The following ACOT12 variants were observed in gnomAD, a reference collection of about 807,000 sequenced individuals.
The protein encoded by ACOT12 is acetyl-coenzyme A thioesterase.
Under a neutral mutation model 67.7 loss-of-function variants are expected in ACOT12, and 51 were observed. The ratio of observed to expected loss-of-function variants is 0.75; its 90% CI spans 0.60 to 0.95. The LOEUF (loss-of-function observed/expected upper bound fraction) is 0.95. Ranked by LOEUF, ACOT12 falls within the 40% of genes least tolerant of loss-of-function variation. ACOT12 has a pLI of 0.00. For missense variants in ACOT12, 734 were observed against 708.1 expected, an observed-to-expected ratio of 1.04 and a Z score of -0.41; for synonymous variants, 251 against 244.6, an observed-to-expected ratio of 1.03 and a Z score of -0.24.
chr5:81,353,996 C>T lies in ACOT12; in HGVS notation c.496+5907G>A, dbSNP rs77130365. Among the ~76,000 whole-genome samples, 578 of 152,278 alleles carry T rather than the reference C, an allele frequency of 3.8e-3. 2 individuals are homozygous for T. The highest frequency in any genetic ancestry group is 0.013 in the African/African-American group (529 of 41,560). ...GGTGGAGAAATCACATACTACACAG[C>T]GGCTTTAAATGTCAGAGTCTGGCTC... is the stretch of plus-strand genomic sequence containing the variant. On this transcript the variant is annotated intron_variant, in intron 5 of 14. Transcript: ENST00000307624.
intron 11 of ACOT12, among the ~76,000 whole-genome samples, chr5:81,339,356 A>AT (rs1440524891): frequency 7.9e-5 from 12 of 152,118 alleles, no homozygotes; most frequent in Non-Finnish European, 1.5e-4. Flanking sequence ...GGTCTGTCCT[A>AT]TGTAAAGGTT....
chr5:81,343,253 A>G (rs1279265665), intron 10 of ACOT12, among the ~76,000 whole-genome samples: 1 of 152,110 alleles, frequency 6.6e-6, no homozygotes, highest in African/African-American at 2.4e-5. Context: ...AAAACAAACA[A>G]AAGTAAAAAG....
intron 1 of ACOT12, among the ~76,000 whole-genome samples, chr5:81,390,974 G>A (rs2153860749): frequency 6.6e-6 from 1 of 152,290 alleles, no homozygotes; most frequent in South Asian, 2.1e-4. Flanking sequence ...CATTGTGAGT[G>A]ATCCATTGTA....
At chr5:81,349,355 C>A (rs1371164036) in intron 5 of ACOT12, among the ~76,000 whole-genome samples, 2 of 152,200 alleles carry the variant, frequency 1.3e-5, no homozygotes, top group Non-Finnish European at 2.9e-5. Flanking sequence ...GGCCTGCAAG[C>A]CCTGCATTCC....
chr5:81,393,650 G>A (rs1446785575), intron 1 of ACOT12, among the ~76,000 whole-genome samples: 4 of 152,088 alleles, frequency 2.6e-5, no homozygotes, highest in African/African-American at 9.7e-5. Flanking sequence ...TCAGGAGGTC[G>A]AGGCTGCAGC....
intron 3 of ACOT12, among the ~76,000 whole-genome samples, chr5:81,369,103 G>T (rs1177255608): frequency 6.6e-6 from 1 of 151,052 alleles, no homozygotes; most frequent in East Asian, 1.9e-4. Context: ...GAATTTTAAT[G>T]TTGTAAATTA....
intron 2 of ACOT12, among the ~76,000 whole-genome samples, chr5:81,383,463 A>G (rs1443428794): frequency 1.3e-5 from 2 of 152,212 alleles, no homozygotes; most frequent in African/African-American, 4.8e-5. Context: ...CACATTAATC[A>G]AGGCTACAGT....
downstream of ACOT12, among the ~76,000 whole-genome samples, chr5:81,325,853 C>T (rs1758660572): frequency 6.6e-6 from 1 of 152,164 alleles, no homozygotes; most frequent in Non-Finnish European, 1.5e-5. Flanking sequence ...CTCTGTCTCC[C>T]AGGCTGGAGT....
At chr5:81,333,836 C>T (rs1320551117) in intron 12 of ACOT12, among the ~76,000 whole-genome samples, 1 of 152,186 alleles carries the variant, frequency 6.6e-6, no homozygotes, top group East Asian at 1.9e-4. Context: ...CACCCTCGGG[C>T]CTGTGCCCAC....
the ACOT12 span, among the ~76,000 whole-genome samples, chr5:81,321,997 G>T: frequency 1.3e-5 from 2 of 150,624 alleles, no homozygotes; most frequent in East Asian, 1.9e-4. Context: ...TGAATCTAAA[G>T]AAATTCAAAT....
intron 1 of ACOT12, 23 bp from the exon 2 acceptor site, chr5:81,385,849 T>C (rs1760711959): frequency 6.2e-7 from 1 of 1,609,648 alleles, no homozygotes; most frequent in Non-Finnish European, 8.5e-7. Flanking sequence ...CATAAAAATG[T>C]GCTGCTTTAG....
intron 1 of ACOT12, among the ~76,000 whole-genome samples, chr5:81,388,130 A>G (rs919821194): frequency 1.3e-5 from 2 of 152,184 alleles, no homozygotes; most frequent in Non-Finnish European, 2.9e-5. Flanking sequence ...GATTAAATGC[A>G]TTGTTCTAAA....
chr5:81,347,023 CT>C (rs1316025246), intron 6 of ACOT12, among the ~76,000 whole-genome samples: 4 of 152,056 alleles, frequency 2.6e-5, no homozygotes, highest in Admixed American at 2.6e-4. Flanking sequence ...TCTCTTCTTT[CT>C]TTTCCTATTT....
intron 5 of ACOT12, among the ~76,000 whole-genome samples, chr5:81,351,594 A>G (rs188674603): frequency 6.6e-6 from 1 of 152,364 alleles, no homozygotes; most frequent in Admixed American, 6.5e-5. Context: ...ACCATACACA[A>G]AAATCAAATC....
chr5:81,370,135 G>A (rs1760202794), intron 3 of ACOT12, among the ~76,000 whole-genome samples: 1 of 152,072 alleles, frequency 6.6e-6, no homozygotes, highest in Admixed American at 6.5e-5. Flanking sequence ...ACAAAAATTA[G>A]TGGTGGCATG....
At chr5:81,334,899 C>A (rs966340724) in intron 12 of ACOT12, among the ~76,000 whole-genome samples, 1 of 152,058 alleles carries the variant, frequency 6.6e-6, no homozygotes, top group Admixed American at 6.6e-5. Context: ...CAGGGAGTGG[C>A]AGGAGTGGGA....
chr5:81,363,926 C>T (rs1474769546), intron 3 of ACOT12, 37 bp from the exon 4 acceptor site: 11 of 1,438,194 alleles, frequency 7.6e-6, no homozygotes, highest in African/African-American at 1.4e-5. Context: ...ACACTCTTGG[C>T]CAGTTCAGAT....
the ACOT12 span, chr5:81,312,728 G>A: frequency 8.2e-7 from 1 of 1,222,926 alleles, no homozygotes; most frequent in South Asian, 1.3e-5. Flanking sequence ...CGCTTCACGA[G>A]TTAGAGTTGA....
At chr5:81,377,178 G>A (rs1760445399) in intron 2 of ACOT12, among the ~76,000 whole-genome samples, 1 of 152,120 alleles carries the variant, frequency 6.6e-6, no homozygotes, top group African/African-American at 2.4e-5. Context: ...TGCAAGGCTG[G>A]TTCAACATAC....
Sources: allele counts gnomAD v4.1 joint callset (sites outside exome capture counted in the v4.1 genomes callset), GRCh38; gene constraint gnomAD v4.1.1; transcripts MANE v1.5; gene names NCBI Gene and HGNC (gene_info 2026-07-23, HGNC 2026-07-21).